NOS1AP: variants seen among roughly 807,000 people sequenced by gnomAD.
NOS1AP encodes carboxyl-terminal PDZ ligand of neuronal nitric oxide synthase protein.
In NOS1AP, 21 loss-of-function variants were observed where a neutral mutation model predicts 56.2. That is an observed-to-expected ratio of 0.37 (90% CI 0.26 to 0.54). The LOEUF (loss-of-function observed/expected upper bound fraction) is 0.54. Among genes scored for constraint, NOS1AP ranks in the 20% least tolerant of loss-of-function variants. The pLI is 0.84. For missense variants in NOS1AP, 522 were observed against 657.8 expected (o/e 0.79, Z 2.26); for synonymous variants, 270 against 274.6 (o/e 0.98, Z 0.17).
intron 2 of NOS1AP, among the ~76,000 whole-genome samples, chr1:162,173,703 CA>C (rs1247995709): frequency 2.0e-5 from 3 of 152,114 alleles, no homozygotes; most frequent in Non-Finnish European, 4.4e-5. Context: ...ACAATGAACT[CA>C]AACAGATTTA....
chr1:162,077,473 A>C (rs1691793522), intron 1 of NOS1AP, among the ~76,000 whole-genome samples: 1 of 152,130 alleles, frequency 6.6e-6, no homozygotes, highest in Non-Finnish European at 1.5e-5. Context: ...ATTGAGTTGT[A>C]AGAGTTCTTT....
Position 162,367,949 on chromosome 1 carries a change from T to G in NOS1AP, c.*482T>G, listed in dbSNP as rs563893114. 4 of 162,336 alleles carry G rather than the reference T, an allele frequency of 2.5e-5. No homozygotes were observed. The South Asian group carries it at 7.0e-4, about 29-fold the overall frequency. The allele number at this position is 162,336 out of a possible 1,614,324, so 10.1% of individuals were successfully genotyped here. A position where few individuals can be genotyped will look rare whatever the true frequency, so the allele number is the denominator to read the frequency against. On this transcript the variant is annotated 3_prime_UTR_variant, in exon 10 of 10. Coordinates refer to ENST00000361897, the MANE Select transcript of NOS1AP (RefSeq NM_014697.3). This position sits in a 1 kb window ranked among gnomAD's most constrained non-coding sequence, Gnocchi z 6.5. Reference sequence around the variant, plus strand: ...CGAGTTGCCTAACCCTCCCCCTACCTTTATGAGAGGAATTCCTTCTCCAGG... The same window carrying G: ...CGAGTTGCCTAACCCTCCCCCTACCGTTATGAGAGGAATTCCTTCTCCAGG...
At chr1:162,366,944 C>A in intron 9 of NOS1AP, 108 bp from the exon 10 acceptor site, 1 of 1,269,788 alleles carries the variant, frequency 7.9e-7, no homozygotes, top group Non-Finnish European at 1.2e-6. Context: ...TGCTGCTAAG[C>A]TGGTCTGGGA....
intron 6 of NOS1AP, among the ~76,000 whole-genome samples, chr1:162,349,200 A>G (rs535788204): frequency 3.8e-4 from 53 of 141,162 alleles, no homozygotes; most frequent in African/African-American, 7.5e-4. Flanking sequence ...AAAAAGGGGA[A>G]AAAAAAAAAA....
At chr1:162,360,788 G>T (rs772219665) in intron 8 of NOS1AP, 1 of 456,368 alleles carries the variant, frequency 2.2e-6, no homozygotes, top group Non-Finnish European at 4.4e-6. Context: ...AGACAGCGGC[G>T]CCTGCCTCTG....
chr1:162,251,966 A>T (rs1653877116), intron 2 of NOS1AP, among the ~76,000 whole-genome samples: 1 of 136,224 alleles, frequency 7.3e-6, no homozygotes, highest in Admixed American at 8.5e-5. Flanking sequence ...AAATGTTGAG[A>T]TTATAGGTGT....
intron 2 of NOS1AP, among the ~76,000 whole-genome samples, chr1:162,266,593 A>G (rs1271353131): frequency 6.6e-6 from 1 of 152,126 alleles, no homozygotes; most frequent in Non-Finnish European, 1.5e-5. Context: ...TTAATTTTGC[A>G]TTCTGGTTCA....
intron 8 of NOS1AP, chr1:162,365,116 G>A (rs754151724): frequency 3.4e-5 from 47 of 1,376,218 alleles, no homozygotes; most frequent in Non-Finnish European, 4.7e-6. Flanking sequence ...GGCAGGTCTA[G>A]AGGGTCGATG....
intron 1 of NOS1AP, among the ~76,000 whole-genome samples, chr1:162,113,073 G>A (rs1350524531): frequency 1.3e-5 from 2 of 152,186 alleles, no homozygotes; most frequent in East Asian, 3.8e-4. Context: ...ATATCAGGCA[G>A]AGGGTGGTGG....
chr1:162,132,043 A>G (rs1648774281), intron 1 of NOS1AP, among the ~76,000 whole-genome samples: 1 of 152,204 alleles, frequency 6.6e-6, no homozygotes, highest in Non-Finnish European at 1.5e-5. Flanking sequence ...CTATCAAGAA[A>G]TCTATTTGGT....
intron 2 of NOS1AP, among the ~76,000 whole-genome samples, chr1:162,164,835 C>T (rs929176015): frequency 1.3e-5 from 2 of 152,184 alleles, no homozygotes; most frequent in African/African-American, 4.8e-5. Context: ...CATGGCAGCA[C>T]ACACTGATGA....
At chr1:162,164,001 A>T (rs1055480465) in intron 2 of NOS1AP, among the ~76,000 whole-genome samples, 1 of 152,230 alleles carries the variant, frequency 6.6e-6, no homozygotes, top group Non-Finnish European at 1.5e-5. Flanking sequence ...GAGAAGAGTT[A>T]GTAAGAGCCA....
At chr1:162,098,468 G>A (rs59741724) in intron 1 of NOS1AP, among the ~76,000 whole-genome samples, 9,875 of 150,036 alleles carry the variant, frequency 0.066, 474 homozygotes, top group African/African-American at 0.14. Context: ...GTGCCTTACA[G>A]TTTTGTTTGG....
chr1:162,351,180 A>G (rs1657481667), intron 6 of NOS1AP, among the ~76,000 whole-genome samples: 1 of 152,188 alleles, frequency 6.6e-6, no homozygotes, highest in Non-Finnish European at 1.5e-5. Flanking sequence ...TCAGATAGAG[A>G]TACTCAGCCC....
intron 6 of NOS1AP, among the ~76,000 whole-genome samples, chr1:162,353,364 C>G (rs1246502789): frequency 6.6e-6 from 1 of 152,294 alleles, no homozygotes; most frequent in South Asian, 2.1e-4. Flanking sequence ...TCTGCCCCTG[C>G]CCCCGCGCCC....
chr1:162,367,287 G>A lies in NOS1AP; in HGVS notation c.1341G>A (p.Ala447=), dbSNP rs933982736. Residue 447 remains alanine (A), a synonymous_variant, in exon 10 of 10, where the codon GCG becomes GCA. Coordinates refer to ENST00000361897, the MANE Select transcript of NOS1AP (RefSeq NM_014697.3). The surrounding 1 kb of genome is among the most constrained non-coding windows in gnomAD (Gnocchi z 6.5). Reference sequence around the variant, plus strand: ...CCCCGCCCCCAGCGCAGGGCGAGGCGCTCCTGGGCGGTCTGGAGCTCATCA... The same window carrying A: ...CCCCGCCCCCAGCGCAGGGCGAGGCACTCCTGGGCGGTCTGGAGCTCATCA... ...EDTPPPAQGE[A]LLGGLELIKF... 35 of 1,613,280 alleles carry A rather than the reference G, an allele frequency of 2.2e-5. No homozygotes were observed. Among genetic ancestry groups the A allele is most frequent in the Non-Finnish European group, 2.7e-5 (32 of 1,179,920 alleles).
At chr1:162,151,506 A>G (rs1268220467) in intron 1 of NOS1AP, among the ~76,000 whole-genome samples, 4 of 152,098 alleles carry the variant, frequency 2.6e-5, no homozygotes, top group Non-Finnish European at 4.4e-5. Flanking sequence ...TGGGTCTTTT[A>G]TGGCTCCATA....
At chr1:162,268,151 C>T (rs1040369608) in intron 2 of NOS1AP, among the ~76,000 whole-genome samples, 3 of 151,304 alleles carry the variant, frequency 2.0e-5, no homozygotes, top group East Asian at 1.9e-4. Context: ...CCCAGCTATT[C>T]GGGAGAGTGA....
chr1:162,073,221 G>A (rs1691695565), intron 1 of NOS1AP, among the ~76,000 whole-genome samples: 2 of 152,282 alleles, frequency 1.3e-5, no homozygotes, highest in South Asian at 4.1e-4. Flanking sequence ...TATAAACGAG[G>A]ACATAGGCTC....
Sources: allele counts gnomAD v4.1 joint callset (sites outside exome capture counted in the v4.1 genomes callset), GRCh38; gene constraint gnomAD v4.1.1; non-coding constraint Gnocchi (gnomAD v3.1); transcripts MANE v1.5; gene names NCBI Gene and HGNC (gene_info 2026-07-23, HGNC 2026-07-21).